The following NRXN3 variants were observed in gnomAD, a reference collection of about 807,000 sequenced individuals.
The protein encoded by NRXN3 is neurexin 3, also known as neurexin III.
In NRXN3, 32 loss-of-function variants were observed where a neutral mutation model predicts 137.6. That is an observed-to-expected ratio of 0.23 (90% CI 0.18 to 0.31). The LOEUF is 0.31. Among genes scored for constraint, NRXN3 ranks in the 10% least tolerant of loss-of-function variants. The pLI is 1.00. For synonymous variants in NRXN3, 798 were observed against 784.5 expected, an observed-to-expected ratio of 1.02 and a Z score of -0.29; for missense variants, 1,574 against 2,062.5, an observed-to-expected ratio of 0.76 and a Z score of 4.59.
chr14:78,689,836 C>G (rs2098155274), intron 6 of NRXN3, among the ~76,000 whole-genome samples: 1 of 151,570 alleles, frequency 6.6e-6, no homozygotes, highest in African/African-American at 2.4e-5. Flanking sequence ...CTCTCTCTCT[C>G]TCTCTCTCAA....
Position 78,207,013 on chromosome 14 carries a change from A to T in NRXN3, c.-703-35378A>T, listed in dbSNP as rs1156975925. Reference sequence around the variant, plus strand: ...TGAGCACCTGCGATTACAGGTGTGCACCACCATGCCTGGCTAATTTTTGTG... The same window carrying T: ...TGAGCACCTGCGATTACAGGTGTGCTCCACCATGCCTGGCTAATTTTTGTG... On this transcript the variant is annotated intron_variant, in intron 1 of 20. Coordinates refer to ENST00000335750, the MANE Select transcript of NRXN3 (RefSeq NM_001330195.2). Among the ~76,000 whole-genome samples, 4 of 152,058 alleles carry T rather than the reference A, an allele frequency of 2.6e-5. No homozygotes were observed. In the South Asian group the frequency reaches 8.3e-4, roughly 32 times the overall value.
chr14:78,980,715 G>A (rs192694231), intron 14 of NRXN3, among the ~76,000 whole-genome samples: 65 of 152,190 alleles, frequency 4.3e-4, no homozygotes, highest in Non-Finnish European at 8.5e-4. Context: ...AAATGATAAG[G>A]GAATGAGATG....
At chr14:79,134,398 T>C (rs1277246461) in intron 15 of NRXN3, among the ~76,000 whole-genome samples, 2 of 152,236 alleles carry the variant, frequency 1.3e-5, no homozygotes, top group African/African-American at 4.8e-5. Context: ...GGTAAGAGAC[T>C]ATCTTCTAAA....
chr14:79,611,347 C>T (rs955159006), intron 16 of NRXN3: 3 of 152,214 alleles, frequency 2.0e-5, no homozygotes, highest in Non-Finnish European at 4.4e-5. Context: ...TGCCTGTAAT[C>T]CCAGCACTTT....
intron 15 of NRXN3, among the ~76,000 whole-genome samples, chr14:79,043,544 T>G (rs2099628375): frequency 1.3e-5 from 2 of 152,162 alleles, no homozygotes; most frequent in African/African-American, 4.8e-5. Context: ...AATTCTTTAC[T>G]TCTGAGGACT....
At chr14:78,789,791 C>G (rs535498648) in intron 8 of NRXN3, among the ~76,000 whole-genome samples, 1 of 152,240 alleles carries the variant, frequency 6.6e-6, no homozygotes, top group Admixed American at 6.6e-5. Context: ...TCTCTTTGCT[C>G]TTTACTCTTA....
At chr14:79,791,505 G>GTAATTATAATTAATTATATATTA (rs1235317413) in intron 19 of NRXN3, among the ~76,000 whole-genome samples, 1 of 144,824 alleles carries the variant, frequency 6.9e-6, no homozygotes, top group Admixed American at 6.9e-5. Flanking sequence ...ATTATATATT[G>GTAATTATAATTAATTATATATTA]TAATTATAAT....
At chr14:78,933,319 A>G (rs1443445061) in intron 10 of NRXN3, among the ~76,000 whole-genome samples, 1 of 152,260 alleles carries the variant, frequency 6.6e-6, no homozygotes, top group Non-Finnish European at 1.5e-5. Context: ...TTTATAAAGT[A>G]GATGTAAATA....
At chr14:79,469,965 G>A (rs914553366) in intron 16 of NRXN3, among the ~76,000 whole-genome samples, 7 of 152,188 alleles carry the variant, frequency 4.6e-5, no homozygotes, top group African/African-American at 1.7e-4. Flanking sequence ...GGACATTTAA[G>A]TAGATACATC....
chr14:79,209,800 A>G (rs2067368610), intron 15 of NRXN3, among the ~76,000 whole-genome samples: 1 of 152,184 alleles, frequency 6.6e-6, no homozygotes, highest in Admixed American at 6.6e-5. Context: ...TGAATGAATA[A>G]ATATTGGTCC....
In NRXN3 at chr14:78,934,791, C is replaced by G. The variant is rs573071879; in HGVS notation, c.2276-22451C>G. Among the ~76,000 whole-genome samples, 8 of 151,786 alleles carry G rather than the reference C, an allele frequency of 5.3e-5. 1 individual carries two copies. In the South Asian group the frequency reaches 1.7e-3, roughly 32 times the overall value. The stretch of plus-strand genomic sequence containing the variant: ...CACATGGACACAGGAAGGGGAACAT[C>G]ACACACTGGGCACTGTTGTGGGGTG... On this transcript the variant is annotated intron_variant, in intron 10 of 20. Coordinates refer to ENST00000335750, the MANE Select transcript of NRXN3 (RefSeq NM_001330195.2).
intron 20 of NRXN3, among the ~76,000 whole-genome samples, chr14:79,810,215 C>G (rs1434072491): frequency 6.6e-6 from 1 of 152,026 alleles, no homozygotes; most frequent in Non-Finnish European, 1.5e-5. Flanking sequence ...AAAAGTAATA[C>G]TTTTATACCT....
chr14:78,943,639 T>TCTCTC (rs2099359237), intron 10 of NRXN3, among the ~76,000 whole-genome samples: 1 of 38,898 alleles, frequency 2.6e-5, no homozygotes, highest in African/African-American at 2.4e-4. Context: ...TATATATATA[T>TCTCTC]ATATATATAT....
intron 15 of NRXN3, among the ~76,000 whole-genome samples, chr14:79,123,214 T>C (rs1401765928): frequency 2.0e-5 from 3 of 151,936 alleles, no homozygotes; most frequent in East Asian, 3.9e-4. Context: ...TGGCTGTGTG[T>C]GCGTGTGTGT....
In NRXN3 at chr14:78,322,236, T is replaced by A. The variant is rs564300173; in HGVS notation, c.757+24376T>A. Among the ~76,000 whole-genome samples the A allele has an allele frequency of 4.6e-5, 7 of 152,056 alleles. No individual in the cohort carries two copies. The South Asian group carries it at 1.5e-3, about 32-fold the overall frequency. On this transcript the variant is annotated intron_variant, in intron 4 of 20. Coordinates refer to ENST00000335750, the MANE Select transcript of NRXN3 (RefSeq NM_001330195.2). ...TTTACAATCCTTTGGGGAAGATGCC[T>A]GTCAAATATGTAATTGGGAAAGCCA...
At chr14:79,606,461 T>G (rs2098018697) in intron 16 of NRXN3, among the ~76,000 whole-genome samples, 1 of 152,224 alleles carries the variant, frequency 6.6e-6, no homozygotes, top group Non-Finnish European at 1.5e-5. Flanking sequence ...TAATTATCAG[T>G]AGCTGCTGGC....
intron 15 of NRXN3, among the ~76,000 whole-genome samples, chr14:79,387,718 T>G (rs1025481729): frequency 7.9e-5 from 12 of 151,654 alleles, no homozygotes; most frequent in African/African-American, 2.9e-4. Context: ...TGTCCAACAA[T>G]GATAGACTGG....
chr14:78,507,799 G>A (rs2096022169), intron 4 of NRXN3, among the ~76,000 whole-genome samples: 1 of 152,136 alleles, frequency 6.6e-6, no homozygotes, highest in Non-Finnish European at 1.5e-5. Flanking sequence ...GAAATTTTGT[G>A]ACACTTCTTG....
At chr14:78,900,244 T>C (rs2099191256) in intron 10 of NRXN3, among the ~76,000 whole-genome samples, 1 of 151,822 alleles carries the variant, frequency 6.6e-6, no homozygotes, top group Non-Finnish European at 1.5e-5. Flanking sequence ...AACTGACACC[T>C]AAAGAGGGCC....
Sources: gnomAD v4.1 joint callset for allele counts (sites outside exome capture counted in the v4.1 genomes callset) on GRCh38, gnomAD v4.1.1 for gene constraint, MANE v1.5 for transcripts, NCBI Gene and HGNC (gene_info 2026-07-23, HGNC 2026-07-21) for gene names.